Variants in EPHB1 observed in about 807,000 individuals in gnomAD.
The protein encoded by EPHB1 is EPH receptor B1, also known as ephrin type-B receptor 1.
In EPHB1, 30 loss-of-function variants were observed where a neutral mutation model predicts 94.4. The ratio of observed to expected loss-of-function variants is 0.32; its 90% CI spans 0.24 to 0.43. EPHB1 has a LOEUF of 0.43. Among genes scored for constraint, EPHB1 ranks in the 20% least tolerant of loss-of-function variants. The pLI is 1.00. For synonymous variants in EPHB1, 522 were observed against 489.1 expected (o/e 1.07, Z -0.89); for missense variants, 1,055 against 1,308.3 (o/e 0.81, Z 2.99).
chr3:134,862,394 A>G (rs921394870), intron 1 of EPHB1, among the ~76,000 whole-genome samples: 1 of 151,830 alleles, frequency 6.6e-6, no homozygotes, highest in Non-Finnish European at 1.5e-5. Flanking sequence ...AGACTTTCAT[A>G]TGATTTAACC....
intron 1 of EPHB1, among the ~76,000 whole-genome samples, chr3:134,797,445 G>T (rs1435121916): frequency 3.3e-5 from 5 of 152,230 alleles, no homozygotes; most frequent in Non-Finnish European, 5.9e-5. Context: ...CGTCATGCAG[G>T]TCCGAGGCTC....
At position 135,106,515 on chromosome 3, in the gene EPHB1, C is replaced by CCGCT; in HGVS notation, c.875_878dup (p.Pro294LeufsTer21). 6.2e-7 allele frequency: 1 copy of CCGCT among 1,614,044 alleles called. No individual in the cohort carries two copies. The highest frequency in any genetic ancestry group is 8.5e-7 in the Non-Finnish European group (1 of 1,179,898). On this transcript the variant is annotated frameshift_variant, in exon 4 of 16. Transcript: ENST00000398015. LOFTEE classifies it high-confidence loss of function. Reference sequence around the variant, plus strand: ...GCTGCTCCCACTGCCCCTCCAACAGCCGCTCCCCTGCAGAGGCGTCTCCCA... The same window carrying CCGCT: ...GCTGCTCCCACTGCCCCTCCAACAGCCGCTCGCTCCCCTGCAGAGGCGTCTCCCA...
At chr3:134,837,262 G>A (rs116127564) in intron 1 of EPHB1, among the ~76,000 whole-genome samples, 190 of 152,162 alleles carry the variant, frequency 1.2e-3, no homozygotes, top group African/African-American at 4.3e-3. Flanking sequence ...ATAACTAAAA[G>A]GTATACCCTC....
intron 1 of EPHB1, among the ~76,000 whole-genome samples, chr3:134,835,030 ACT>A (rs1421289703): frequency 1.2e-4 from 18 of 152,150 alleles, no homozygotes; most frequent in African/African-American, 4.3e-4. Context: ...TTAGAGGCGC[ACT>A]CTCATGGTTG....
At chr3:134,873,381 T>C (rs1048011017) in intron 1 of EPHB1, among the ~76,000 whole-genome samples, 1 of 152,230 alleles carries the variant, frequency 6.6e-6, no homozygotes, top group African/African-American at 2.4e-5. Flanking sequence ...AAAACTCTTC[T>C]AGTGTGTATC....
At chr3:134,944,584 A>G (rs2039181283) in intron 2 of EPHB1, among the ~76,000 whole-genome samples, 3 of 152,164 alleles carry the variant, frequency 2.0e-5, no homozygotes, top group African/African-American at 4.8e-5. Context: ...TTCAATCTCA[A>G]TTAATGGTTT....
intron 3 of EPHB1, among the ~76,000 whole-genome samples, chr3:134,972,094 A>G (rs1933991450): frequency 6.6e-6 from 1 of 152,148 alleles, no homozygotes; most frequent in East Asian, 1.9e-4. Context: ...TCAGAAACAG[A>G]AAGTAGCATG....
At chr3:135,053,120 A>G (rs1487533498) in intron 3 of EPHB1, among the ~76,000 whole-genome samples, 1 of 144,696 alleles carries the variant, frequency 6.9e-6, no homozygotes, top group Non-Finnish European at 1.5e-5. Context: ...ATATTTGTTC[A>G]AACATTATGT....
At chr3:135,185,784 A>G (rs974104537) in intron 10 of EPHB1, among the ~76,000 whole-genome samples, 8 of 152,244 alleles carry the variant, frequency 5.3e-5, no homozygotes, top group Admixed American at 3.3e-4. Context: ...CTCAGTATAC[A>G]GAGGCATTGC....
At chr3:135,124,390 A>G (rs1182098376) in intron 4 of EPHB1, among the ~76,000 whole-genome samples, 1 of 151,258 alleles carries the variant, frequency 6.6e-6, no homozygotes, top group African/African-American at 2.5e-5. Flanking sequence ...ATGTTTTCTG[A>G]CTCCTTCACT....
intron 2 of EPHB1, among the ~76,000 whole-genome samples, chr3:134,940,325 T>C (rs2039086779): frequency 6.6e-6 from 1 of 152,140 alleles, no homozygotes. Context: ...CTAGATGAGC[T>C]CCTTCCACAT....
At chr3:135,235,436 C>T (rs1415307047) in intron 12 of EPHB1, among the ~76,000 whole-genome samples, 1 of 152,114 alleles carries the variant, frequency 6.6e-6, no homozygotes, top group Non-Finnish European at 1.5e-5. Context: ...TTTATGAGCC[C>T]TCCAGTAGGT....
At chr3:135,074,881 TG>T (rs1366869467) in intron 3 of EPHB1, among the ~76,000 whole-genome samples, 47 of 151,958 alleles carry the variant, frequency 3.1e-4, no homozygotes, top group Non-Finnish European at 4.4e-5. Flanking sequence ...ATCAGGGTGG[TG>T]GGGTGGAAAT....
chr3:134,860,764 G>T (rs551585896), intron 1 of EPHB1, among the ~76,000 whole-genome samples: 3 of 83,010 alleles, frequency 3.6e-5, no homozygotes, highest in Non-Finnish European at 5.8e-5. Flanking sequence ...AGTGAGCCGA[G>T]ATTGTGCCAC....
At chr3:134,816,176 G>C (rs2036267697) in intron 1 of EPHB1, among the ~76,000 whole-genome samples, 1 of 147,834 alleles carries the variant, frequency 6.8e-6, no homozygotes, top group Non-Finnish European at 1.5e-5. Flanking sequence ...TCCACGTCTT[G>C]GGTTCAAGCG....
intron 1 of EPHB1, among the ~76,000 whole-genome samples, chr3:134,878,972 T>C (rs2037671946): frequency 6.6e-6 from 1 of 152,206 alleles, no homozygotes; most frequent in African/African-American, 2.4e-5. Flanking sequence ...AGACACACCA[T>C]ACTCCTGCCA....
intron 1 of EPHB1, among the ~76,000 whole-genome samples, chr3:134,865,703 T>A (rs1349773013): frequency 6.7e-6 from 1 of 150,014 alleles, no homozygotes; most frequent in South Asian, 2.1e-4. Flanking sequence ...GTGACCTGAC[T>A]GGAAAGATTG....
At chr3:134,884,638 TA>T (rs1369888215) in intron 1 of EPHB1, among the ~76,000 whole-genome samples, 1 of 152,244 alleles carries the variant, frequency 6.6e-6, no homozygotes, top group Non-Finnish European at 1.5e-5. Context: ...TAAAATTTAA[TA>T]ATACTCTTTC....
Position 135,201,686 on chromosome 3 carries a change from C to G in EPHB1, c.2343C>G (p.Ser781=). 6.2e-7 allele frequency: 1 copy of G among 1,613,482 alleles called. No homozygotes were observed. Among genetic ancestry groups the G allele is most frequent in the Non-Finnish European group, 8.5e-7 (1 of 1,179,672 alleles). The change falls in exon 12 of 16, where the codon TCC becomes TCG. Residue 781 remains serine (S), a synonymous_variant. Coordinates refer to ENST00000398015, the MANE Select transcript of EPHB1 (RefSeq NM_004441.5). ...CCTCAGATCCCACCTACACCAGCTCCTTGGTGAGTCCTTCTTGGCATTCTC... is the reference window on the plus strand; with the variant it reads ...CCTCAGATCCCACCTACACCAGCTCGTTGGTGAGTCCTTCTTGGCATTCTC... ...DDTSDPTYTS[S]LGGKIPVRWT...
Sources: gnomAD v4.1 joint callset for allele counts (sites outside exome capture counted in the v4.1 genomes callset) on GRCh38, gnomAD v4.1.1 for gene constraint, MANE v1.5 for transcripts, NCBI Gene and HGNC (gene_info 2026-07-23, HGNC 2026-07-21) for gene names.